ZZEF1: variants seen among roughly 807,000 people sequenced by gnomAD.
ZZEF1 encodes zinc finger ZZ-type and EF-hand domain containing 1.
Under a neutral mutation model 342.8 loss-of-function variants are expected in ZZEF1, and 157 were observed. The ratio of observed to expected loss-of-function variants is 0.46; its 90% CI spans 0.40 to 0.52. The LOEUF is 0.52. ZZEF1 is among the 20% of genes least tolerant of loss of function. The probability of loss-of-function intolerance (pLI) is 0.00; values close to 1 mark genes in which losing one functional copy is unlikely to be tolerated. For synonymous variants in ZZEF1, 1,505 were observed against 1,429.1 expected, an observed-to-expected ratio of 1.05 and a Z score of -1.20; for missense variants, 3,480 against 3,725.6, an observed-to-expected ratio of 0.93 and a Z score of 1.72.
At position 4,088,965 on chromosome 17, in the gene ZZEF1, C is replaced by T. The variant is rs1440054207; in HGVS notation, c.2026-72G>A. On this transcript the variant is annotated intron_variant, in intron 12 of 54. Transcript: ENST00000381638. ...AATATTGATTAAAGAGGGAAAAAGG[C>T]CTTTCCGGGAAGGTCTTCCTATGAT... is the stretch of plus-strand genomic sequence containing the variant. The T allele has an allele frequency of 1.0e-5, 15 of 1,461,756 alleles. No homozygotes were observed. The East Asian group carries it at 3.5e-4, about 35-fold the overall frequency. 90.5% of individuals were successfully genotyped at this position (1,461,756 alleles called of 1,614,324 possible).
At chr17:4,139,001 C>T (rs918942356) in intron 1 of ZZEF1, among the ~76,000 whole-genome samples, 5 of 145,526 alleles carry the variant, frequency 3.4e-5, no homozygotes, top group African/African-American at 1.1e-4. Context: ...TATAACACCT[C>T]CTCAAGTAAC....
chr17:4,087,112 C>G (rs1170912524), intron 14 of ZZEF1, among the ~76,000 whole-genome samples: 1 of 152,148 alleles, frequency 6.6e-6, no homozygotes, highest in African/African-American at 2.4e-5. Context: ...GAACTCCTGA[C>G]CTTGTGATCC....
At chr17:4,050,698 A>G in intron 36 of ZZEF1, 83 bp downstream of exon 36, 1 of 1,588,478 alleles carries the variant, frequency 6.3e-7, no homozygotes, top group South Asian at 1.1e-5. Flanking sequence ...CCTGTAAACT[A>G]AGCTTAGTAT....
intron 7 of ZZEF1, 115 bp from the exon 8 acceptor site, chr17:4,104,926 C>G: frequency 1.2e-6 from 1 of 825,578 alleles, no homozygotes; most frequent in Non-Finnish European, 1.8e-6. Context: ...ATGCTTTCTA[C>G]AGGTTTATCC....
intron 1 of ZZEF1, among the ~76,000 whole-genome samples, chr17:4,130,416 G>A (rs1173751155): frequency 3.3e-5 from 5 of 152,134 alleles, no homozygotes; most frequent in Non-Finnish European, 7.4e-5. Context: ...TCTCACCCTT[G>A]CACTCCAGCT....
At chr17:4,114,257 T>C (rs777180470) in intron 4 of ZZEF1, 42 bp downstream of exon 4, 3 of 1,420,590 alleles carry the variant, frequency 2.1e-6, no homozygotes, top group Admixed American at 2.6e-5. Context: ...AAGAAAACAA[T>C]CCAAAATTTT....
chr17:4,021,045 GTTTAGGCTAAAAC>G (rs1272001363), intron 45 of ZZEF1, 71 bp downstream of exon 45: 5 of 1,428,202 alleles, frequency 3.5e-6, no homozygotes, highest in Non-Finnish European at 4.7e-6. Context: ...GCATTTTCAT[GTTTAGGCTAAAAC>G]ATGGCCCGGG....
At chr17:4,020,587 T>C (rs2056243810) in intron 45 of ZZEF1, among the ~76,000 whole-genome samples, 1 of 152,218 alleles carries the variant, frequency 6.6e-6, no homozygotes, top group Non-Finnish European at 1.5e-5. Flanking sequence ...TCCTCCTGCC[T>C]CAGCCTCCCA....
intron 1 of ZZEF1, among the ~76,000 whole-genome samples, chr17:4,136,122 C>T (rs373024195): frequency 4.7e-5 from 7 of 148,762 alleles, no homozygotes; most frequent in Non-Finnish European, 8.9e-5. Context: ...TCCCGAGTAG[C>T]TGGAACTACA....
chr17:4,016,335 GT>G lies in ZZEF1; in HGVS notation c.8132del (p.Asn2711ThrfsTer33). On this transcript the variant is annotated frameshift_variant, in exon 49 of 55. Transcript: ENST00000381638. LOFTEE classifies it high-confidence loss of function. The surrounding 1 kb of genome is among the most constrained non-coding windows in gnomAD (Gnocchi z 4.4). ...GCCCCAGGCTTACCTCGAAGTTGGTGTTGTTGTTATACGGGTGTTTCGACTC... is the reference window on the plus strand; with the variant it reads ...GCCCCAGGCTTACCTCGAAGTTGGTGTGTTGTTATACGGGTGTTTCGACTC... The part of the protein sequence containing the change: ...VRESKHPYNN[N>X]TNFEDKVHIP... 1 of 1,613,980 alleles carries G rather than the reference GT, an allele frequency of 6.2e-7. No individual in the cohort carries two copies. The highest frequency in any genetic ancestry group is 2.2e-5 in the East Asian group (1 of 44,886).
chr17:4,124,891 TAG>T (rs2058549527), intron 1 of ZZEF1, among the ~76,000 whole-genome samples: 1 of 152,210 alleles, frequency 6.6e-6, no homozygotes, highest in Non-Finnish European at 1.5e-5. Flanking sequence ...CCTGGGACAG[TAG>T]AGATTTGGTT....
chr17:4,137,706 T>C (rs1023408467), intron 1 of ZZEF1, among the ~76,000 whole-genome samples: 2 of 152,228 alleles, frequency 1.3e-5, no homozygotes, highest in African/African-American at 4.8e-5. Flanking sequence ...ACCTCCTGTG[T>C]ACAATGGTAG....
At chr17:4,007,542 A>G (rs2055833348) in intron 54 of ZZEF1, among the ~76,000 whole-genome samples, 1 of 152,016 alleles carries the variant, frequency 6.6e-6, no homozygotes, top group South Asian at 2.1e-4. Flanking sequence ...GAGGAAATGG[A>G]GACTGGACAG....
At chr17:4,138,391 G>A (rs79104573) in intron 1 of ZZEF1, among the ~76,000 whole-genome samples, 1,547 of 152,312 alleles carry the variant, frequency 0.01, 16 homozygotes, top group Non-Finnish European at 0.016. Context: ...CTGTAAACCC[G>A]AAAGTGACTA....
At chr17:4,018,464 A>G (rs1182238445) in intron 46 of ZZEF1, among the ~76,000 whole-genome samples, 1 of 152,010 alleles carries the variant, frequency 6.6e-6, no homozygotes, top group Non-Finnish European at 1.5e-5. Flanking sequence ...AAATGAGCAA[A>G]GAGTGATCCC....
At chr17:4,055,888 T>G (rs2057147195) in intron 33 of ZZEF1, among the ~76,000 whole-genome samples, 2 of 152,350 alleles carry the variant, frequency 1.3e-5, no homozygotes, top group South Asian at 2.1e-4. Flanking sequence ...GGGATGAAAC[T>G]GTTCCACCTC....
At chr17:4,028,517 C>A (rs2056467082) in intron 42 of ZZEF1, among the ~76,000 whole-genome samples, 1 of 150,570 alleles carries the variant, frequency 6.6e-6, no homozygotes, top group African/African-American at 2.5e-5. Flanking sequence ...CCACTGCACT[C>A]CAGCCTGGGT....
Position 4,014,196 on chromosome 17 carries a change from C to T in ZZEF1, c.8315-8G>A. 1 of 1,614,062 alleles carries T rather than the reference C, an allele frequency of 6.2e-7. No individual in the cohort carries two copies. The highest frequency in any genetic ancestry group is 8.5e-7 in the Non-Finnish European group (1 of 1,179,930). ...GGTAATACAGAGTGTCTCCTAGGCA[C>T]ACAAGGATCAGAGGCCCATCAGGAA... On this transcript the variant is annotated splice_region_variant and splice_polypyrimidine_tract_variant and intron_variant, in intron 50 of 54. Transcript: ENST00000381638. The surrounding 1 kb of genome is among the most constrained non-coding windows in gnomAD (Gnocchi z 4.4).
At position 4,097,939 on chromosome 17, in the gene ZZEF1, A is replaced by G. The variant is rs1007443618; in HGVS notation, c.1673-1239T>C. Among the ~76,000 whole-genome samples the G allele has an allele frequency of 4.5e-4, 67 of 150,498 alleles. 1 individual carries two copies. The highest frequency in any genetic ancestry group is 1.5e-3 in the African/African-American group (61 of 40,956). ...CCCCATTTCTACCAAAAAAAAAAAA[A>G]AAAAAAGCAAAAATCAAGGTGGGTG... On this transcript the variant is annotated intron_variant, in intron 9 of 54. Coordinates refer to ENST00000381638, the MANE Select transcript of ZZEF1 (RefSeq NM_015113.4).
Sources: allele counts gnomAD v4.1 joint callset (sites outside exome capture counted in the v4.1 genomes callset), GRCh38; gene constraint gnomAD v4.1.1; non-coding constraint Gnocchi (gnomAD v3.1); transcripts MANE v1.5; gene names NCBI Gene and HGNC (gene_info 2026-07-23, HGNC 2026-07-21).